The following L3MBTL3 variants were observed in gnomAD, a reference collection of about 807,000 sequenced individuals.
The protein encoded by L3MBTL3 is L3MBTL histone methyl-lysine binding protein 3.
In L3MBTL3, 27 loss-of-function variants were observed where a neutral mutation model predicts 102.3. The observed-to-expected ratio is 0.26, with a 90% CI of 0.19 to 0.36. The LOEUF is 0.36. Ranked by LOEUF, L3MBTL3 falls within the 10% of genes least tolerant of loss-of-function variation. The pLI is 1.00. For missense variants in L3MBTL3, 798 were observed against 955.3 expected (o/e 0.84, Z 2.17); for synonymous variants, 340 against 320.9 (o/e 1.06, Z -0.64).
At chr6:130,026,995 CAG>C (rs1165124194) in intron 2 of L3MBTL3, among the ~76,000 whole-genome samples, 6 of 152,008 alleles carry the variant, frequency 3.9e-5, no homozygotes, top group Non-Finnish European at 7.4e-5. Flanking sequence ...AAGATGAAAA[CAG>C]GGAATATGAC....
At chr6:130,074,252 G>A in intron 13 of L3MBTL3, among the ~76,000 whole-genome samples, 1 of 152,100 alleles carries the variant, frequency 6.6e-6, no homozygotes, top group Non-Finnish European at 1.5e-5. Flanking sequence ...ATGTTTAGTT[G>A]CAATAAAACA....
chr6:130,082,961 C>A lies in L3MBTL3; in HGVS notation c.1322-659C>A, dbSNP rs138600900. 3.5e-4 allele frequency among the ~76,000 whole-genome samples: 54 copies of A among 152,274 alleles called. 1 individual carries two copies. The highest frequency in any genetic ancestry group is 1.3e-3 in the African/African-American group (52 of 41,560). The stretch of plus-strand genomic sequence containing the variant: ...TGATATATTTGCTGCTTTTCTCAGT[C>A]CCCTTTATGTGGCTAATTTCCCACC... On this transcript the variant is annotated intron_variant, in intron 14 of 22. Coordinates refer to ENST00000361794, the MANE Select transcript of L3MBTL3 (RefSeq NM_032438.4).
intron 17 of L3MBTL3, among the ~76,000 whole-genome samples, chr6:130,093,547 G>A (rs943753547): frequency 6.6e-6 from 1 of 152,142 alleles, no homozygotes; most frequent in African/African-American, 2.4e-5. Flanking sequence ...GAATAACAAA[G>A]CTTGGGGAAA....
chr6:130,076,193 C>T (rs1782938651), intron 13 of L3MBTL3, among the ~76,000 whole-genome samples: 1 of 152,148 alleles, frequency 6.6e-6, no homozygotes, highest in Non-Finnish European at 1.5e-5. Flanking sequence ...TGTATTTCTT[C>T]AAATAATCTA....
intron 3 of L3MBTL3, among the ~76,000 whole-genome samples, chr6:130,043,882 T>C (rs1780577574): frequency 6.6e-6 from 1 of 152,142 alleles, no homozygotes; most frequent in Non-Finnish European, 1.5e-5. Context: ...CACCTCTGAG[T>C]TTAGTTTAAC....
chr6:130,055,493 T>G (rs1405648038), intron 8 of L3MBTL3, among the ~76,000 whole-genome samples: 1 of 134,130 alleles, frequency 7.5e-6, no homozygotes, highest in East Asian at 2.5e-4. Context: ...CCTCCCTCTC[T>G]CCCTCCCTCT....
intron 2 of L3MBTL3, among the ~76,000 whole-genome samples, chr6:130,029,832 C>G (rs1779597906): frequency 6.6e-6 from 1 of 152,110 alleles, no homozygotes; most frequent in Admixed American, 6.5e-5. Flanking sequence ...CTGCCCTCCT[C>G]TTTTTGAGAC....
chr6:130,095,121 G>A (rs1183723627), intron 18 of L3MBTL3, among the ~76,000 whole-genome samples: 1 of 152,020 alleles, frequency 6.6e-6, no homozygotes, highest in Admixed American at 6.6e-5. Flanking sequence ...CACCTATTTA[G>A]GTATGTTTTA....
chr6:130,122,444 C>T (rs1185349452), intron 20 of L3MBTL3, among the ~76,000 whole-genome samples: 1 of 152,198 alleles, frequency 6.6e-6, no homozygotes, highest in Non-Finnish European at 1.5e-5. Context: ...TGATCTTAGA[C>T]ATGTCATCAC....
rs768213178 is a variant in L3MBTL3 at position 130,049,327 on chromosome 6, A to AATGAGATGG, written c.150_158dup (p.Met52_Glu53insAspGluMet). On this transcript the variant is annotated inframe_insertion, in exon 4 of 23. Transcript: ENST00000361794. ...AGCCCTGGAAGTTATTACAGATGAG[A>AATGAGATGG]ATGAGATGGAAAATGTTAAAAAAGC... The AATGAGATGG allele has an allele frequency of 1.2e-6, 2 of 1,613,900 alleles. No individual in the cohort carries two copies. Among genetic ancestry groups the AATGAGATGG allele is most frequent in the Non-Finnish European group, 1.7e-6 (2 of 1,179,838 alleles).
At chr6:130,123,334 A>T (rs1786370872) in intron 20 of L3MBTL3, among the ~76,000 whole-genome samples, 1 of 151,976 alleles carries the variant, frequency 6.6e-6, no homozygotes, top group South Asian at 2.1e-4. Flanking sequence ...TATAATTCTT[A>T]ATTTTGTAAT....
At chr6:130,121,202 CT>C (rs1439618767) in intron 20 of L3MBTL3, among the ~76,000 whole-genome samples, 1 of 152,114 alleles carries the variant, frequency 6.6e-6, no homozygotes, top group Non-Finnish European at 1.5e-5. Flanking sequence ...TGATAGTTAC[CT>C]TTTCTGATCC....
Position 130,030,665 on chromosome 6 carries a change from T to TAAA in L3MBTL3, c.-16+8387_-16+8389dup, listed in dbSNP as rs548921467. ...CTGGGTGACACAGCAAGACTCTACC[T>TAAA]AAAAAAAAAAAAAAAAAAAAAAAAA... is the stretch of plus-strand genomic sequence containing the variant. On this transcript the variant is annotated intron_variant, in intron 2 of 22. Coordinates refer to ENST00000361794, the MANE Select transcript of L3MBTL3 (RefSeq NM_032438.4). Among the ~76,000 whole-genome samples the TAAA allele has an allele frequency of 1.1e-3, 51 of 48,526 alleles. 1 individual carries two copies. The highest frequency in any genetic ancestry group is 3.7e-3 in the African/African-American group (39 of 10,554). The allele number at this position is 48,526 out of a possible 152,430, so 31.8% of individuals were successfully genotyped here.
chr6:130,053,142 G>A lies in L3MBTL3; in HGVS notation c.582+151G>A, dbSNP rs184029497. The A allele has an allele frequency of 2.1e-4, 122 of 593,296 alleles. No homozygotes were observed. In the African/African-American group the frequency reaches 2.1e-3, roughly 10 times the overall value. 36.8% of individuals were successfully genotyped at this position (593,296 alleles called of 1,614,324 possible). A position where few individuals can be genotyped will look rare whatever the true frequency, so the allele number is the denominator to read the frequency against. ...TCAGTAAGTTACATGGCCTCTGTGT[G>A]CCTTGCTGTCCTGATCTCAAAATGG... is the stretch of plus-strand genomic sequence containing the variant. On this transcript the variant is annotated intron_variant, in intron 7 of 22. Coordinates refer to ENST00000361794, the MANE Select transcript of L3MBTL3 (RefSeq NM_032438.4).
Position 130,057,470 on chromosome 6 carries a change from G to A in L3MBTL3, c.732G>A (p.Val244=). 6.2e-7 allele frequency: 1 copy of A among 1,610,220 alleles called. No individual in the cohort carries two copies. Among genetic ancestry groups the A allele is most frequent in the African/African-American group, 1.3e-5 (1 of 75,024 alleles). Residue 244 remains valine, a synonymous_variant, in exon 9 of 23, where the codon GTG becomes GTA. Coordinates refer to ENST00000361794, the MANE Select transcript of L3MBTL3 (RefSeq NM_032438.4). The part of the protein sequence containing the change: ...WASYLEEEKA[V]AVPAKLFKEH... ...CCTACCTGGAAGAGGAGAAAGCGGTGGCAGTGCCGGCGAAGCTGTTCAAGG... is the reference window on the plus strand; with the variant it reads ...CCTACCTGGAAGAGGAGAAAGCGGTAGCAGTGCCGGCGAAGCTGTTCAAGG...
chr6:130,097,180 C>T (rs2115278307), intron 18 of L3MBTL3, among the ~76,000 whole-genome samples: 1 of 152,334 alleles, frequency 6.6e-6, no homozygotes, highest in South Asian at 2.1e-4. Context: ...ATAGGCACAG[C>T]CTGTTTTCCA....
At chr6:130,025,778 T>G (rs1779302857) in intron 2 of L3MBTL3, among the ~76,000 whole-genome samples, 1 of 152,214 alleles carries the variant, frequency 6.6e-6, no homozygotes, top group Non-Finnish European at 1.5e-5. Context: ...ATCATTGTTT[T>G]GTGTTCCACC....
intron 16 of L3MBTL3, among the ~76,000 whole-genome samples, chr6:130,086,490 A>T (rs1373820298): frequency 6.6e-6 from 1 of 152,222 alleles, no homozygotes; most frequent in Non-Finnish European, 1.5e-5. Flanking sequence ...TTGGAGAAAG[A>T]AAGTAGATAC....
chr6:130,060,239 G>GGTGCTT, intron 10 of L3MBTL3, 99 bp downstream of exon 10: 1 of 673,394 alleles, frequency 1.5e-6, no homozygotes. Context: ...TGCCAGGCAT[G>GGTGCTT]GTGCTTACTG....
Sources: allele counts gnomAD v4.1 joint callset (sites outside exome capture counted in the v4.1 genomes callset), GRCh38; gene constraint gnomAD v4.1.1; transcripts MANE v1.5; gene names NCBI Gene and HGNC (gene_info 2026-07-23, HGNC 2026-07-21).